Variants in NCLN observed in about 807,000 individuals in gnomAD.
NCLN encodes the protein nicalin.
Under a neutral mutation model 69.5 loss-of-function variants are expected in NCLN, and 34 were observed. That is an observed-to-expected ratio of 0.49 (90% CI 0.37 to 0.65). The LOEUF is 0.65. Among genes scored for constraint, NCLN ranks in the 30% least tolerant of loss-of-function variants. The probability of loss-of-function intolerance (pLI) is 0.00; values close to 1 mark genes in which losing one functional copy is unlikely to be tolerated. For missense variants in NCLN, 710 were observed against 804.8 expected (o/e 0.88, Z 1.42); for synonymous variants, 393 against 358.3 (o/e 1.10, Z -1.09).
chr19:3,188,200 C>T (rs1032614760), intron 1 of NCLN, among the ~76,000 whole-genome samples: 4 of 152,094 alleles, frequency 2.6e-5, no homozygotes, highest in Non-Finnish European at 5.9e-5. Context: ...TCCAGCCCCC[C>T]GGGCAGGTGT....
intron 14 of NCLN, 40 bp downstream of exon 14, chr19:3,207,509 G>C (rs750854992): frequency 2.7e-5 from 43 of 1,609,602 alleles, no homozygotes; most frequent in Non-Finnish European, 3.7e-5. Context: ...GGGGCCGCCC[G>C]CCGGGAGGAG....
rs548357976 is a variant in NCLN, at chr19:3,194,034, G to A, written c.520+606G>A. 1.2e-4 allele frequency among the ~76,000 whole-genome samples: 18 copies of A among 152,332 alleles called. No homozygotes were observed. In the South Asian group the frequency reaches 3.7e-3, roughly 32 times the overall value. On this transcript the variant is annotated intron_variant, in intron 3 of 14. Coordinates refer to ENST00000246117, the MANE Select transcript of NCLN (RefSeq NM_020170.4). ...TGTCATCAGCTACTGGGGGAGCAGG[G>A]CTGAGAAGGGAGGCCAGAGCCCAGG...
Position 3,194,444 on chromosome 19 carries a change from T to C in NCLN, c.520+1016T>C, listed in dbSNP as rs568298072. On this transcript the variant is annotated intron_variant, in intron 3 of 14. Coordinates refer to ENST00000246117, the MANE Select transcript of NCLN (RefSeq NM_020170.4). Reference sequence around the variant, plus strand: ...GTGGAATTCCAGATGCAGAGTTGGCTAACACTGGCCAGGGGCCACCTGTTT... The same window carrying C: ...GTGGAATTCCAGATGCAGAGTTGGCCAACACTGGCCAGGGGCCACCTGTTT... Among the ~76,000 whole-genome samples, 52 of 152,366 alleles carry C rather than the reference T, an allele frequency of 3.4e-4. No homozygotes were observed. The South Asian group carries it at 0.011, about 31-fold the overall frequency.
At chr19:3,192,714 G>A in intron 2 of NCLN, 54 bp downstream of exon 2, 2 of 1,448,684 alleles carry the variant, frequency 1.4e-6, no homozygotes, top group East Asian at 2.6e-5. Flanking sequence ...GGCGGGAGTT[G>A]GAGGCAACTG....
chr19:3,191,396 GCCTTCCAGGGA>G (rs541912777), intron 1 of NCLN, among the ~76,000 whole-genome samples: 1 of 152,294 alleles, frequency 6.6e-6, no homozygotes, highest in South Asian at 2.1e-4. Flanking sequence ...GACGGCCGTG[GCCTTCCAGGGA>G]AGACCCCGCC....
chr19:3,207,855 C>T lies in NCLN; in HGVS notation c.*167C>T, dbSNP rs991541737. Reference sequence around the variant, plus strand: ...TACAGAGCTTTTTTCTGTTGCTCTCCGAGACTGGGGGGGGATTGTTTCTTC... The same window carrying T: ...TACAGAGCTTTTTTCTGTTGCTCTCTGAGACTGGGGGGGGATTGTTTCTTC... On this transcript the variant is annotated 3_prime_UTR_variant, in exon 15 of 15. Transcript: ENST00000246117. The T allele has an allele frequency of 3.6e-5, 22 of 605,104 alleles. No homozygotes were observed. Among genetic ancestry groups the T allele is most frequent in the East Asian group, 2.5e-4 (9 of 35,556 alleles). 37.5% of individuals were successfully genotyped at this position (605,104 alleles called of 1,614,324 possible). A position where few individuals can be genotyped will look rare whatever the true frequency, so the allele number is the denominator to read the frequency against.
intron 1 of NCLN, among the ~76,000 whole-genome samples, chr19:3,189,976 G>T (rs574499930): frequency 6.6e-6 from 1 of 152,372 alleles, no homozygotes; most frequent in East Asian, 1.9e-4. Context: ...CTGACTTGCT[G>T]CTGCTCCTTC....
Position 3,204,616 on chromosome 19 carries a change from A to T in NCLN, c.1073A>T (p.His358Leu), listed in dbSNP as rs764784244. 1 of 1,600,624 alleles carries T rather than the reference A, an allele frequency of 6.2e-7. No homozygotes were observed. ...CCTGAGGTACGGTTCTCCATGGTGC[A>T]CAAGCGGATCAACCTGGCGGAGGAC... ...QFPEVRFSMVHKRINLAEDVL... is the reference protein window; with the variant it reads ...QFPEVRFSMVLKRINLAEDVL... The change falls in exon 9 of 15, where the codon CAC becomes CTC. Residue 358 changes from histidine (H) to leucine (L), a missense_variant. By Grantham distance (99) the His-to-Leu change is moderately conservative. Transcript: ENST00000246117.
chr19:3,206,355 A>C lies in NCLN; in HGVS notation c.1429A>C (p.Ser477Arg). ...GGTGGACAAGGACAGCACCTTCCTCAGCACGCTGGAGCACCACCTGAGCCG... is the reference window on the plus strand; with the variant it reads ...GGTGGACAAGGACAGCACCTTCCTCCGCACGCTGGAGCACCACCTGAGCCG... ...QLVDKDSTFL[S>R]TLEHHLSRYL... Residue 477 changes from serine (S) to arginine (R), a missense_variant, in exon 12 of 15, where the codon AGC (serine) becomes CGC (arginine). Physicochemically the swap from Ser to Arg is moderately radical, Grantham distance 110. Transcript: ENST00000246117. 6.5e-7 allele frequency: 1 copy of C among 1,548,284 alleles called. No individual in the cohort carries two copies. Among genetic ancestry groups the C allele is most frequent in the Non-Finnish European group, 8.7e-7 (1 of 1,146,922 alleles).
At position 3,186,177 on chromosome 19, in the gene NCLN, C is replaced by G; in HGVS notation, c.147C>G (p.Tyr49Ter). 6.3e-7 allele frequency: 1 copy of G among 1,587,870 alleles called. No homozygotes were observed. Among genetic ancestry groups the G allele is most frequent in the East Asian group, 2.4e-5 (1 of 41,280 alleles). Residue 49 changes from tyrosine (Y) to a stop codon, truncating the protein, a stop_gained, in exon 1 of 15, where the codon TAC becomes TAG. Coordinates refer to ENST00000246117, the MANE Select transcript of NCLN (RefSeq NM_020170.4). LOFTEE classifies it high-confidence loss of function. Reference protein sequence around the residue: ...AADAAHEFTVYRMQQYDLQGQ... With the variant: ...AADAAHEFTV ...ACGCCGCGCACGAGTTCACCGTGTA[C>G]CGCATGCAGCAGTACGACCTGCAGG...
intron 12 of NCLN, among the ~76,000 whole-genome samples, chr19:3,206,876 C>G (rs1916284903): frequency 6.6e-6 from 1 of 152,184 alleles, no homozygotes. Flanking sequence ...GGCTGGAGTG[C>G]AGTGGCGTGA....
chr19:3,193,807 G>A lies in NCLN; in HGVS notation c.520+379G>A, dbSNP rs187401817. The stretch of plus-strand genomic sequence containing the variant: ...CAGCATCACATCTCGAGTGGGCGGC[G>A]TGGGTGCGTCGGCGGTGTCCTTACG... On this transcript the variant is annotated intron_variant, in intron 3 of 14. Coordinates refer to ENST00000246117, the MANE Select transcript of NCLN (RefSeq NM_020170.4). Among the ~76,000 whole-genome samples the A allele has an allele frequency of 8.6e-4, 131 of 152,200 alleles. 1 individual carries two copies. The highest frequency in any genetic ancestry group is 3.1e-3 in the African/African-American group (128 of 41,524).
In NCLN at chr19:3,205,226, C is replaced by T. The variant is rs1335372854; in HGVS notation, c.1208+475C>T. Among the ~76,000 whole-genome samples, 1 of 152,222 alleles carries T rather than the reference C, an allele frequency of 6.6e-6. No individual in the cohort carries two copies. The highest frequency in any genetic ancestry group is 6.5e-5 in the Admixed American group (1 of 15,288). ...CTCTGCCATCATGTGAGCCCCTGGG[C>T]AGGCTTTTGTGGAGCCTGGAACTGT... On this transcript the variant is annotated intron_variant, in intron 9 of 14. Coordinates refer to ENST00000246117, the MANE Select transcript of NCLN (RefSeq NM_020170.4). The surrounding 1 kb of genome is among the most constrained non-coding windows in gnomAD (Gnocchi z 4.6).
intron 3 of NCLN, among the ~76,000 whole-genome samples, chr19:3,194,885 T>C (rs1915918155): frequency 6.6e-6 from 1 of 151,542 alleles, no homozygotes; most frequent in African/African-American, 2.4e-5. Flanking sequence ...GTAAAAATGA[T>C]GTTGAGGGCC....
Position 3,193,346 on chromosome 19 carries a change from C to G in NCLN, c.438C>G (p.Ala146=). 5 of 1,612,954 alleles carry G rather than the reference C, an allele frequency of 3.1e-6. No homozygotes were observed. Among genetic ancestry groups the G allele is most frequent in the Non-Finnish European group, 4.2e-6 (5 of 1,179,956 alleles). The change falls in exon 3 of 15, where the codon GCC becomes GCG. Residue 146 remains alanine (A), a synonymous_variant. Coordinates refer to ENST00000246117, the MANE Select transcript of NCLN (RefSeq NM_020170.4). ...AMETAVPVYF[A]VEDEALLSIY... ...AGACCGCCGTCCCCGTGTACTTTGC[C>G]GTGGAGGACGAGGCCCTGCTGTCTA...
Position 3,192,480 on chromosome 19 carries a change from T to A in NCLN, c.195T>A (p.Asn65Lys), listed in dbSNP as rs893519214. ...DLQGQPYGTR[N>K]AVLNTEARTM... ...CCCCTGTGCCCACAGGCACACGGAA[T>A]GCAGTGCTGAACACGGAGGCGCGCA... Residue 65 changes from asparagine (N) to lysine (K), a missense_variant, in exon 2 of 15, where the codon AAT (asparagine) becomes AAA (lysine). Coordinates refer to ENST00000246117, the MANE Select transcript of NCLN (RefSeq NM_020170.4). The A allele has an allele frequency of 6.2e-7, 1 of 1,600,210 alleles. No individual in the cohort carries two copies. Among genetic ancestry groups the A allele is most frequent in the Non-Finnish European group, 8.5e-7 (1 of 1,175,764 alleles).
At position 3,207,996 on chromosome 19, in the gene NCLN, A is replaced by G. The variant is rs1031794480; in HGVS notation, c.*308A>G. ...GAGCCGGCCGCCCTCGGTCTGGTGT[A>G]AGCACACATGCACGATTAAAGAGGA... On this transcript the variant is annotated 3_prime_UTR_variant, in exon 15 of 15. Coordinates refer to ENST00000246117, the MANE Select transcript of NCLN (RefSeq NM_020170.4). The G allele has an allele frequency of 2.3e-6, 1 of 426,492 alleles. No individual in the cohort carries two copies. The highest frequency in any genetic ancestry group is 2.0e-5 in the African/African-American group (1 of 49,838). The allele number at this position is 426,492 out of a possible 1,614,324, so 26.4% of individuals were successfully genotyped here.
intron 1 of NCLN, among the ~76,000 whole-genome samples, chr19:3,186,870 G>C (rs1915683839): frequency 6.6e-6 from 1 of 151,386 alleles, no homozygotes; most frequent in African/African-American, 2.4e-5. Flanking sequence ...CAACTCCCCT[G>C]AATTTTCTCG....
chr19:3,197,028 T>C (rs1176973462), intron 4 of NCLN, among the ~76,000 whole-genome samples: 1 of 152,178 alleles, frequency 6.6e-6, no homozygotes, highest in Non-Finnish European at 1.5e-5. Context: ...GGGGAAAGTG[T>C]CCTGGAGGCC....
Sources: allele counts gnomAD v4.1 joint callset (sites outside exome capture counted in the v4.1 genomes callset), GRCh38; gene constraint gnomAD v4.1.1; non-coding constraint Gnocchi (gnomAD v3.1); transcripts MANE v1.5; gene names NCBI Gene and HGNC (gene_info 2026-07-23, HGNC 2026-07-21).